UGT1A8: variants seen among roughly 807,000 people sequenced by gnomAD.
UGT1A8 encodes UDP glucuronosyltransferase family 1 member A8, also known as UDP-glucuronosyltransferase 1A8.
In UGT1A8, 39 loss-of-function variants were observed where a neutral mutation model predicts 45.3. The observed-to-expected ratio is 0.86, with a 90% CI of 0.67 to 1.12. The LOEUF (loss-of-function observed/expected upper bound fraction) is 1.12, where lower values mean the gene tolerates loss of function less well. UGT1A8 is among the 50% of genes most tolerant of loss of function. UGT1A8 has a pLI of 0.00. For missense variants in UGT1A8, 719 were observed against 664.9 expected, an observed-to-expected ratio of 1.08 and a Z score of -0.90; for synonymous variants, 275 against 249.2, an observed-to-expected ratio of 1.10 and a Z score of -0.97.
At chr2:233,740,532 G>A (rs1691412660) in intron 1 of UGT1A8, among the ~76,000 whole-genome samples, 1 of 151,892 alleles carries the variant, frequency 6.6e-6, no homozygotes. Context: ...AATCAGCTGT[G>A]TTGAACTCCA....
intron 1 of UGT1A8, among the ~76,000 whole-genome samples, chr2:233,712,058 A>T (rs1188921458): frequency 6.6e-6 from 1 of 152,228 alleles, no homozygotes; most frequent in African/African-American, 2.4e-5. Context: ...GCCTGACCAT[A>T]ATCTTCAGGA....
rs1699345789 is a variant in UGT1A8 at position 233,767,247 on chromosome 2, C to T, written c.987+82C>T. 3.2e-5 allele frequency: 52 copies of T among 1,603,298 alleles called. No individual in the cohort carries two copies. In the South Asian group the frequency reaches 5.5e-4, roughly 17 times the overall value. ...GACTTCCAGCTTCCAGATTAATTCTCTTAATTGGAACCTTAGATTTGGCTT... is the reference window on the plus strand; with the variant it reads ...GACTTCCAGCTTCCAGATTAATTCTTTTAATTGGAACCTTAGATTTGGCTT... On this transcript the variant is annotated intron_variant, in intron 2 of 4. Coordinates refer to ENST00000373450, the MANE Select transcript of UGT1A8 (RefSeq NM_019076.5).
intron 1 of UGT1A8, among the ~76,000 whole-genome samples, chr2:233,762,934 A>G (rs2126001089): frequency 6.6e-6 from 1 of 152,358 alleles, no homozygotes; most frequent in Middle Eastern, 3.4e-3. Context: ...CTCTAAAAAC[A>G]GTTGAATAAT....
chr2:233,730,151 G>T (rs947267148), intron 1 of UGT1A8, among the ~76,000 whole-genome samples: 3 of 152,154 alleles, frequency 2.0e-5, no homozygotes, highest in Admixed American at 2.0e-4. Flanking sequence ...AACTGTTAAG[G>T]GGTCTCTAGT....
chr2:233,638,044 C>T (rs188144935), intron 1 of UGT1A8, among the ~76,000 whole-genome samples: 10 of 152,086 alleles, frequency 6.6e-5, no homozygotes, highest in African/African-American at 1.7e-4. Flanking sequence ...ACTTTCCTTG[C>T]GTGAATATAT....
At chr2:233,748,205 G>C in intron 1 of UGT1A8, 1 of 1,514,056 alleles carries the variant, frequency 6.6e-7, no homozygotes, top group South Asian at 1.3e-5. Flanking sequence ...TGTCGTAATA[G>C]CCTTCAGTGA....
At chr2:233,632,445 T>TA (rs1261854944) in intron 1 of UGT1A8, among the ~76,000 whole-genome samples, 2 of 152,222 alleles carry the variant, frequency 1.3e-5, no homozygotes, top group Non-Finnish European at 2.9e-5. Context: ...ATTTTCACAA[T>TA]ATTGATTCTT....
At chr2:233,748,112 C>T in intron 1 of UGT1A8, 1 of 1,611,964 alleles carries the variant, frequency 6.2e-7, no homozygotes, top group South Asian at 1.1e-5. Flanking sequence ...AATCAATGTT[C>T]CAGGCAAAAC....
At chr2:233,729,661 G>T in intron 1 of UGT1A8, 1 of 1,613,902 alleles carries the variant, frequency 6.2e-7, no homozygotes, top group Non-Finnish European at 8.5e-7. Flanking sequence ...CATTCCATGT[G>T]ATTTAGACTT....
At chr2:233,681,827 A>G (rs1001942389) in intron 1 of UGT1A8, 9 of 1,503,156 alleles carry the variant, frequency 6.0e-6, no homozygotes, top group Non-Finnish European at 7.1e-6. Flanking sequence ...TTTTAAATGA[A>G]TGAATAAGTA....
chr2:233,650,728 C>CT (rs2073717556), intron 1 of UGT1A8, among the ~76,000 whole-genome samples: 2 of 152,010 alleles, frequency 1.3e-5, no homozygotes, highest in African/African-American at 2.4e-5. Flanking sequence ...TTGATGGGGG[C>CT]TTTTTTCCAA....
At chr2:233,712,927 G>A (rs1300502786) in intron 1 of UGT1A8, 9 of 1,611,900 alleles carry the variant, frequency 5.6e-6, no homozygotes, top group East Asian at 4.5e-5. Context: ...TAATTAAGAC[G>A]AAGGAAACAA....
intron 1 of UGT1A8, chr2:233,672,758 T>A (rs375063799): frequency 3.7e-6 from 6 of 1,613,764 alleles, no homozygotes; most frequent in Non-Finnish European, 5.1e-6. Context: ...ATTGGTGGTA[T>A]CAACTGCCAT....
At chr2:233,737,360 A>G (rs540165116) in intron 1 of UGT1A8, among the ~76,000 whole-genome samples, 5 of 152,246 alleles carry the variant, frequency 3.3e-5, no homozygotes, top group Admixed American at 6.5e-5. Flanking sequence ...GGAGCTGCTA[A>G]GCCAGGCAGG....
chr2:233,754,059 A>G (rs973727066), intron 1 of UGT1A8, among the ~76,000 whole-genome samples: 4 of 152,238 alleles, frequency 2.6e-5, no homozygotes, highest in Admixed American at 1.3e-4. Context: ...ACCTGCTTTT[A>G]TAAAGCCTGG....
chr2:233,714,063 G>A (rs2076363404), intron 1 of UGT1A8, among the ~76,000 whole-genome samples: 1 of 152,154 alleles, frequency 6.6e-6, no homozygotes, highest in Admixed American at 6.5e-5. Flanking sequence ...TGAGAGGAAG[G>A]AGAGGCAGGG....
At chr2:233,632,373 A>C (rs552218208) in intron 1 of UGT1A8, among the ~76,000 whole-genome samples, 44 of 152,328 alleles carry the variant, frequency 2.9e-4, no homozygotes, top group Middle Eastern at 3.4e-3. Flanking sequence ...TCTGTGAAGA[A>C]AGTCAATGGT....
At chr2:233,715,294 C>T (rs2076444307) in intron 1 of UGT1A8, among the ~76,000 whole-genome samples, 1 of 152,122 alleles carries the variant, frequency 6.6e-6, no homozygotes, top group South Asian at 2.1e-4. Context: ...TATATTTTGG[C>T]TCTTGAATAG....
intron 1 of UGT1A8, among the ~76,000 whole-genome samples, chr2:233,680,020 TCTC>T (rs1003758552): frequency 2.6e-5 from 4 of 152,186 alleles, no homozygotes; most frequent in Non-Finnish European, 5.9e-5. Flanking sequence ...TTTCTCTCTC[TCTC>T]TTTTTTCTTT....
Sources: gnomAD v4.1 joint callset for allele counts (sites outside exome capture counted in the v4.1 genomes callset) on GRCh38, gnomAD v4.1.1 for gene constraint, MANE v1.5 for transcripts, NCBI Gene and HGNC (gene_info 2026-07-23, HGNC 2026-07-21) for gene names.